The following KIAA2012 variants were observed in gnomAD, a reference collection of about 807,000 sequenced individuals.
The protein encoded by KIAA2012 is uncharacterized protein KIAA2012.
Under a neutral mutation model 150.6 loss-of-function variants are expected in KIAA2012, and 125 were observed. The observed-to-expected ratio is 0.83, with a 90% CI of 0.72 to 0.96. The LOEUF is 0.96. KIAA2012 is among the 40% of genes least tolerant of loss of function. The pLI, the probability that KIAA2012 is intolerant of heterozygous loss-of-function variation, is 0.00. For missense variants in KIAA2012, 1,219 were observed against 1,354.9 expected, an observed-to-expected ratio of 0.90 and a Z score of 1.57; for synonymous variants, 462 against 504.7, an observed-to-expected ratio of 0.92 and a Z score of 1.13.
At chr2:202,166,661 A>AC (rs971426538) in intron 15 of KIAA2012, among the ~76,000 whole-genome samples, 6 of 136,502 alleles carry the variant, frequency 4.4e-5, no homozygotes, top group Non-Finnish European at 8.2e-5. Flanking sequence ...TGTCTCCAAA[A>AC]AAAAACAAAA....
chr2:202,093,224 T>C, intron 4 of KIAA2012, 39 bp downstream of exon 4: 1 of 1,543,016 alleles, frequency 6.5e-7, no homozygotes, highest in Non-Finnish European at 8.8e-7. Context: ...TGACCAGTTC[T>C]CAGATATTTG....
intron 2 of KIAA2012, among the ~76,000 whole-genome samples, chr2:202,079,284 T>G (rs1689390449): frequency 6.6e-6 from 1 of 152,122 alleles, no homozygotes; most frequent in African/African-American, 2.4e-5. Flanking sequence ...ATCTGTCCAT[T>G]AGGGTGAGTA....
At chr2:202,138,827 T>C (rs577487840) in intron 13 of KIAA2012, among the ~76,000 whole-genome samples, 1 of 152,208 alleles carries the variant, frequency 6.6e-6, no homozygotes, top group Non-Finnish European at 1.5e-5. Flanking sequence ...GCACTAGTTT[T>C]CATTCGTAAA....
At chr2:202,135,994 A>C (rs7578906) in intron 12 of KIAA2012, 1 of 255,972 alleles carries the variant, frequency 3.9e-6, no homozygotes, top group East Asian at 1.0e-4. Flanking sequence ...ATTCAAATTT[A>C]AAAAAAAAAA....
At chr2:202,152,770 A>G (rs1187916374) in intron 13 of KIAA2012, among the ~76,000 whole-genome samples, 2 of 152,198 alleles carry the variant, frequency 1.3e-5, no homozygotes, top group East Asian at 1.9e-4. Flanking sequence ...AGCAAAAGAA[A>G]AGGGTGTGGG....
At chr2:202,203,808 C>T (rs1316280794) in intron 23 of KIAA2012, among the ~76,000 whole-genome samples, 4 of 149,360 alleles carry the variant, frequency 2.7e-5, no homozygotes, top group African/African-American at 7.4e-5. Context: ...CTCGCTCTGT[C>T]GCCCAGGCTG....
At chr2:202,141,579 T>C (rs1267481560) in intron 13 of KIAA2012, among the ~76,000 whole-genome samples, 2 of 152,322 alleles carry the variant, frequency 1.3e-5, no homozygotes, top group South Asian at 2.1e-4. Context: ...ATATGGAACA[T>C]TGCCAGAGCT....
At chr2:202,094,051 G>A (rs1410653233) in intron 4 of KIAA2012, among the ~76,000 whole-genome samples, 1 of 152,240 alleles carries the variant, frequency 6.6e-6, no homozygotes, top group Non-Finnish European at 1.5e-5. Context: ...GGAGGCCAAG[G>A]AGGGAGGATT....
At chr2:202,140,681 A>C (rs2105945603) in intron 13 of KIAA2012, among the ~76,000 whole-genome samples, 1 of 152,254 alleles carries the variant, frequency 6.6e-6, no homozygotes, top group Middle Eastern at 3.4e-3. Flanking sequence ...GCAATGACTA[A>C]TTTCATGTTT....
intron 8 of KIAA2012, among the ~76,000 whole-genome samples, chr2:202,105,395 T>C (rs781441077): frequency 1.3e-5 from 2 of 152,216 alleles, no homozygotes; most frequent in African/African-American, 2.4e-5. Context: ...CTGTTAGCCT[T>C]TCCTCTGAAG....
At chr2:202,148,758 A>C (rs2105949396) in intron 13 of KIAA2012, among the ~76,000 whole-genome samples, 1 of 152,282 alleles carries the variant, frequency 6.6e-6, no homozygotes, top group African/African-American at 2.4e-5. Context: ...AGCCAGGGAA[A>C]CCTAGACAGA....
At chr2:202,136,851 G>A (rs1691076085) in intron 12 of KIAA2012, 1 of 152,346 alleles carries the variant, frequency 6.6e-6, no homozygotes, top group Admixed American at 6.5e-5. Context: ...GAGGCGCCGA[G>A]AGTAAGCAAG....
chr2:202,075,317 T>A, intron 2 of KIAA2012, 142 bp downstream of exon 2: 1 of 966,522 alleles, frequency 1.0e-6, no homozygotes, highest in Non-Finnish European at 1.5e-6. Flanking sequence ...AAAATGAGAT[T>A]GACTGTACTC....
chr2:202,077,359 C>G (rs919533315), intron 2 of KIAA2012, among the ~76,000 whole-genome samples: 2 of 152,116 alleles, frequency 1.3e-5, no homozygotes, highest in African/African-American at 2.4e-5. Flanking sequence ...GTCTATAAGG[C>G]TAAATACTTC....
intron 14 of KIAA2012, among the ~76,000 whole-genome samples, chr2:202,163,781 A>AT (rs902559663): frequency 0.11 from 12,065 of 105,650 alleles, 1,198 homozygotes; most frequent in Non-Finnish European, 0.16. Flanking sequence ...TATTCAGGGA[A>AT]TTTTTTTTTT....
At chr2:202,102,650 G>T (rs915026436) in intron 7 of KIAA2012, among the ~76,000 whole-genome samples, 28 of 152,112 alleles carry the variant, frequency 1.8e-4, no homozygotes, top group African/African-American at 6.8e-4. Context: ...TTTTAGTCCG[G>T]CTCAGTCTTT....
intron 2 of KIAA2012, among the ~76,000 whole-genome samples, chr2:202,084,232 G>T (rs937898327): frequency 2.0e-5 from 3 of 152,146 alleles, no homozygotes; most frequent in African/African-American, 4.8e-5. Flanking sequence ...CTAGGGATTT[G>T]TTGCCTTCCT....
rs6746162 is a variant in KIAA2012 at position 202,104,964 on chromosome 2, A to G, written c.1325-797A>G. 0.77 allele frequency among the ~76,000 whole-genome samples: 116,917 copies of G among 152,170 alleles called. 45,296 individuals carry two copies. Among genetic ancestry groups the G allele is most frequent in the South Asian group, 0.81 (3,931 of 4,824 alleles). ...CATCATGAACCAGATTCTTAAAGCC[A>G]GATGCACTGAGCTTACCAACACACT... On this transcript the variant is annotated intron_variant, in intron 8 of 23. Coordinates refer to ENST00000498697, the MANE Select transcript of KIAA2012 (RefSeq NM_001277372.4). This position sits in a 1 kb window ranked among gnomAD's most constrained non-coding sequence, Gnocchi z 4.3.
chr2:202,103,201 C>T (rs140632214), intron 8 of KIAA2012, 87 bp downstream of exon 8: 6 of 1,300,156 alleles, frequency 4.6e-6, no homozygotes, highest in South Asian at 2.9e-5. Context: ...TCATGGCTGA[C>T]GTTCCCTATG....
Sources: gnomAD v4.1 joint callset for allele counts (sites outside exome capture counted in the v4.1 genomes callset) on GRCh38, gnomAD v4.1.1 for gene constraint, Gnocchi (gnomAD v3.1) non-coding constraint, MANE v1.5 for transcripts, NCBI Gene and HGNC (gene_info 2026-07-23, HGNC 2026-07-21) for gene names.